DOCK10: variants seen among roughly 807,000 people sequenced by gnomAD.
The protein encoded by DOCK10 is dedicator of cytokinesis protein 10.
In DOCK10, 145 loss-of-function variants were observed where a neutral mutation model predicts 280.1. The ratio of observed to expected loss-of-function variants is 0.52; its 90% CI spans 0.45 to 0.59. The LOEUF is 0.59. Ranked by LOEUF, DOCK10 falls within the 20% of genes least tolerant of loss-of-function variation. The probability of loss-of-function intolerance (pLI) is 0.00; values close to 1 mark genes in which losing one functional copy is unlikely to be tolerated. For synonymous variants in DOCK10, 915 were observed against 942.2 expected (o/e 0.97, Z 0.53); for missense variants, 2,368 against 2,651.7 (o/e 0.89, Z 2.35).
chr2:224,813,689 C>G (rs769656667), intron 31 of DOCK10, among the ~76,000 whole-genome samples: 1 of 152,132 alleles, frequency 6.6e-6, no homozygotes, highest in Non-Finnish European at 1.5e-5. Flanking sequence ...TGACCAATAG[C>G]AAATTAAACA....
chr2:224,802,451 C>T (rs1179914990), intron 39 of DOCK10, among the ~76,000 whole-genome samples: 2 of 152,140 alleles, frequency 1.3e-5, no homozygotes, highest in Admixed American at 6.6e-5. Context: ...AGTGTAAAAT[C>T]AGGTTCTAAA....
At chr2:224,969,896 T>C (rs962851921) in intron 1 of DOCK10, among the ~76,000 whole-genome samples, 2 of 152,208 alleles carry the variant, frequency 1.3e-5, no homozygotes, top group Non-Finnish European at 2.9e-5. Context: ...TTTAGTTTCA[T>C]GCTTAATTTC....
At chr2:224,844,898 G>T in intron 21 of DOCK10, 59 bp from the exon 22 acceptor site, 1 of 1,223,704 alleles carries the variant, frequency 8.2e-7, no homozygotes, top group Non-Finnish European at 1.2e-6. Context: ...AAAATAAATA[G>T]ATTGTTTAGT....
chr2:224,985,271 C>T (rs1575149632), intron 1 of DOCK10, among the ~76,000 whole-genome samples: 1 of 151,930 alleles, frequency 6.6e-6, no homozygotes, highest in South Asian at 2.1e-4. Context: ...AAGTAATTGT[C>T]TTAGATTAGG....
At chr2:224,845,173 TA>T (rs1338317177) in intron 21 of DOCK10, 29 bp downstream of exon 21, 25 of 1,551,666 alleles carry the variant, frequency 1.6e-5, no homozygotes, top group African/African-American at 4.1e-5. Context: ...TGTGCTTTTT[TA>T]AAATCTTAAA....
chr2:224,914,062 A>G (rs889182350), intron 3 of DOCK10, among the ~76,000 whole-genome samples: 1 of 152,124 alleles, frequency 6.6e-6, no homozygotes, highest in Non-Finnish European at 1.5e-5. Flanking sequence ...TAAAACTTAG[A>G]TTCTTTTTTT....
chr2:224,813,088 C>T (rs1229369168), intron 31 of DOCK10, among the ~76,000 whole-genome samples: 1 of 152,212 alleles, frequency 6.6e-6, no homozygotes, highest in Admixed American at 6.5e-5. Context: ...TAATTGTTCT[C>T]ATCGCACAGA....
chr2:224,931,425 C>T, intron 2 of DOCK10, 124 bp downstream of exon 2: 1 of 1,101,718 alleles, frequency 9.1e-7, no homozygotes, highest in Non-Finnish European at 1.2e-6. Context: ...TGAACTCCTG[C>T]TGCAGAGACT....
chr2:224,812,849 G>A (rs1693875455), intron 31 of DOCK10, among the ~76,000 whole-genome samples: 1 of 152,150 alleles, frequency 6.6e-6, no homozygotes, highest in Non-Finnish European at 1.5e-5. Context: ...ACTTGATCAT[G>A]GTGGATAAGC....
chr2:224,778,499 C>T, intron 50 of DOCK10: 1 of 600,466 alleles, frequency 1.7e-6, no homozygotes, highest in East Asian at 3.2e-5. Context: ...TATTTCCTAG[C>T]CAGGCCAAAG....
Position 224,885,738 on chromosome 2 carries a change from T to C in DOCK10, c.680A>G (p.Lys227Arg). ...PDNSYIMNFY[K>R]DEKISKEPKG... is the part of the protein sequence containing the mutation. The stretch of plus-strand genomic sequence containing the variant: ...GGGTTCTTTGGATATTTTCTCATCT[T>C]TGTAAAAGTTCATAATGTAGGAGTT... Residue 227 changes from lysine (K) to arginine (R), a missense_variant, in exon 7 of 56, where the codon AAA (lysine) becomes AGA (arginine). Physicochemically the swap from Lys to Arg is conservative, Grantham distance 26. Transcript: ENST00000258390. 1.2e-6 allele frequency: 2 copies of C among 1,613,860 alleles called. No homozygotes were observed. The highest frequency in any genetic ancestry group is 8.5e-7 in the Non-Finnish European group (1 of 1,179,838).
At chr2:224,814,959 T>G (rs1694029059) in intron 30 of DOCK10, among the ~76,000 whole-genome samples, 1 of 152,242 alleles carries the variant, frequency 6.6e-6, no homozygotes, top group Non-Finnish European at 1.5e-5. Context: ...GTATCAGATC[T>G]ACAAAGAGAC....
At chr2:224,916,937 T>G (rs1034552713) in intron 2 of DOCK10, among the ~76,000 whole-genome samples, 153 bp from the exon 3 acceptor site, 2 of 152,136 alleles carry the variant, frequency 1.3e-5, no homozygotes, top group African/African-American at 2.4e-5. Context: ...CAATTTAATC[T>G]CTAGGAGAGA....
At chr2:225,014,096 T>A (rs1251992360) in intron 1 of DOCK10, among the ~76,000 whole-genome samples, 3 of 63,146 alleles carry the variant, frequency 4.8e-5, no homozygotes, top group Admixed American at 1.3e-4. Context: ...TTTTTTTTTT[T>A]TGTTTTTTTT....
intron 1 of DOCK10, among the ~76,000 whole-genome samples, chr2:224,939,501 CAAG>C (rs1702886475): frequency 6.6e-6 from 1 of 151,966 alleles, no homozygotes; most frequent in East Asian, 1.9e-4. Context: ...AGAAAATATC[CAAG>C]AAGATCTAAA....
intron 26 of DOCK10, among the ~76,000 whole-genome samples, chr2:224,833,213 C>CA (rs1384564290): frequency 6.6e-6 from 1 of 152,128 alleles, no homozygotes; most frequent in Admixed American, 6.5e-5. Flanking sequence ...CTCCTCTGTG[C>CA]AAAACCCTCC....
chr2:224,950,463 A>G (rs1366439418), intron 1 of DOCK10, among the ~76,000 whole-genome samples: 1 of 152,218 alleles, frequency 6.6e-6, no homozygotes, highest in Non-Finnish European at 1.5e-5. Flanking sequence ...CAATTGGCCC[A>G]AAGTCAGTAG....
At chr2:224,812,505 C>T (rs535310307) in intron 31 of DOCK10, among the ~76,000 whole-genome samples, 1 of 152,288 alleles carries the variant, frequency 6.6e-6, no homozygotes, top group African/African-American at 2.4e-5. Flanking sequence ...TTGCCCTGGC[C>T]AGAACTTCCA....
At chr2:224,893,157 G>T (rs961702215) in intron 4 of DOCK10, among the ~76,000 whole-genome samples, 1 of 152,154 alleles carries the variant, frequency 6.6e-6, no homozygotes, top group African/African-American at 2.4e-5. Context: ...TCAGTTATCA[G>T]CTGTAAGTTT....
Sources: gnomAD v4.1 joint callset for allele counts (sites outside exome capture counted in the v4.1 genomes callset) on GRCh38, gnomAD v4.1.1 for gene constraint, MANE v1.5 for transcripts, NCBI Gene and HGNC (gene_info 2026-07-23, HGNC 2026-07-21) for gene names.